Variants in PCGF6 observed in about 807,000 individuals in gnomAD.
PCGF6 encodes the protein polycomb group RING finger protein 6.
Under a neutral mutation model 45.5 loss-of-function variants are expected in PCGF6, and 24 were observed. The observed-to-expected ratio is 0.53, with a 90% confidence interval of 0.38 to 0.74. The LOEUF (loss-of-function observed/expected upper bound fraction) is 0.74. Among genes scored for constraint, PCGF6 ranks in the 30% least tolerant of loss-of-function variants. The pLI is 0.00. For missense variants in PCGF6, 356 were observed against 443.2 expected, an observed-to-expected ratio of 0.80 and a Z score of 1.77; for synonymous variants, 152 against 162.1, an observed-to-expected ratio of 0.94 and a Z score of 0.47.
At chr10:103,336,779 G>C (rs1015083208) in intron 6 of PCGF6, among the ~76,000 whole-genome samples, 3 of 152,144 alleles carry the variant, frequency 2.0e-5, no homozygotes, top group Non-Finnish European at 4.4e-5. Flanking sequence ...AGAGGCTGAG[G>C]CAGGAGAATC....
intron 8 of PCGF6, among the ~76,000 whole-genome samples, chr10:103,315,998 A>G (rs201172053): frequency 0.024 from 2,352 of 97,892 alleles, 28 homozygotes; most frequent in Middle Eastern, 0.041. Flanking sequence ...GTGTGTGTAT[A>G]TATATATATA....
intron 1 of PCGF6, 95 bp downstream of exon 1, chr10:103,350,612 G>GCGC: frequency 8.0e-7 from 1 of 1,249,868 alleles, no homozygotes; most frequent in Non-Finnish European, 1.0e-6. Context: ...CGCGGCGGCG[G>GCGC]CGCACTAGGA....
chr10:103,348,651 T>C, intron 3 of PCGF6, 65 bp downstream of exon 3: 7 of 1,220,440 alleles, frequency 5.7e-6, no homozygotes, highest in Non-Finnish European at 8.0e-6. Flanking sequence ...ATTCCAACTA[T>C]ATAACTTCAA....
chr10:103,340,465 AAAG>A, intron 6 of PCGF6, among the ~76,000 whole-genome samples: 1 of 152,068 alleles, frequency 6.6e-6, no homozygotes, highest in Non-Finnish European at 1.5e-5. Context: ...ACAAGTAAAG[AAAG>A]AAGAAATGGT....
Position 103,336,520 on chromosome 10 carries a change from T to A in PCGF6, c.783-2568A>T, listed in dbSNP as rs185070813. On this transcript the variant is annotated intron_variant, in intron 6 of 9. Transcript: ENST00000369847. ...ACATGGGCATCAGCTTCTACCTGAATATCTAAAGACAGCTTAACTGACAAG... is the reference window on the plus strand; with the variant it reads ...ACATGGGCATCAGCTTCTACCTGAAAATCTAAAGACAGCTTAACTGACAAG... Among the ~76,000 whole-genome samples the A allele has an allele frequency of 3.9e-5, 6 of 152,316 alleles. No individual in the cohort carries two copies. The East Asian group carries it at 1.2e-3, about 29-fold the overall frequency.
intron 9 of PCGF6, among the ~76,000 whole-genome samples, chr10:103,306,973 A>T (rs2093140272): frequency 6.6e-6 from 1 of 151,730 alleles, no homozygotes; most frequent in African/African-American, 2.4e-5. Flanking sequence ...GTGTGGTGGC[A>T]CATGTCTATA....
chr10:103,304,440 A>G (rs1204613906), intron 9 of PCGF6, among the ~76,000 whole-genome samples: 2 of 152,144 alleles, frequency 1.3e-5, no homozygotes, highest in Admixed American at 6.6e-5. Context: ...TCCCAGGTTC[A>G]AGCAATTCTC....
chr10:103,315,838 T>C (rs568287664), intron 8 of PCGF6, among the ~76,000 whole-genome samples: 2 of 152,200 alleles, frequency 1.3e-5, no homozygotes, highest in South Asian at 4.1e-4. Context: ...AGAGAGAATA[T>C]TGTTGTATAT....
chr10:103,350,730 G>T lies in PCGF6; in HGVS notation c.337C>A (p.Gln113Lys). Residue 113 changes from glutamine to lysine, a missense_variant, in exon 1 of 10, where the codon CAG (glutamine) becomes AAG (lysine). By Grantham distance (53) the Gln-to-Lys change is moderately conservative (BLOSUM62 1). This residue lies in a region of PCGF6 where 307 missense variants were observed against 350.1 expected (regional missense o/e 0.88). Transcript: ENST00000369847. The part of the protein sequence containing the change: ...HFSLRLEGGR[Q>K]DSEDEEERLI... ...ACCTCCTCCTCGTCCTCCGAGTCCT[G>T]CCGGCCTCCCTCCAGCCTCAACGAG... 1 of 1,541,072 alleles carries T rather than the reference G, an allele frequency of 6.5e-7. No homozygotes were observed. Among genetic ancestry groups the T allele is most frequent in the East Asian group, 2.5e-5 (1 of 40,154 alleles).
chr10:103,328,821 G>C (rs1042804007), intron 7 of PCGF6, among the ~76,000 whole-genome samples: 2 of 151,810 alleles, frequency 1.3e-5, no homozygotes, highest in African/African-American at 4.8e-5. Context: ...GAGCGATCGT[G>C]GCTCACTGCA....
intron 7 of PCGF6, among the ~76,000 whole-genome samples, chr10:103,331,445 A>G (rs1186224422): frequency 6.6e-6 from 1 of 151,900 alleles, no homozygotes; most frequent in Non-Finnish European, 1.5e-5. Flanking sequence ...TTTAATAGAG[A>G]TAGAGTTTTG....
intron 7 of PCGF6, among the ~76,000 whole-genome samples, chr10:103,327,199 C>T (rs1253300356): frequency 6.6e-6 from 1 of 152,046 alleles, no homozygotes; most frequent in African/African-American, 2.4e-5. Context: ...GCAGGAGAAT[C>T]GCTTGAACCT....
At chr10:103,305,387 C>T (rs2093134627) in intron 9 of PCGF6, among the ~76,000 whole-genome samples, 1 of 152,074 alleles carries the variant, frequency 6.6e-6, no homozygotes, top group African/African-American at 2.4e-5. Flanking sequence ...TCTCCTGCCT[C>T]AGCCTCTTGA....
At chr10:103,306,922 AGTGAGACCCC>A (rs1436884216) in intron 9 of PCGF6, among the ~76,000 whole-genome samples, 1 of 151,958 alleles carries the variant, frequency 6.6e-6, no homozygotes, top group Non-Finnish European at 1.5e-5. Context: ...TGGGCAACAT[AGTGAGACCCC>A]GTCTCTACAA....
At chr10:103,335,503 C>T (rs1027997052) in intron 6 of PCGF6, among the ~76,000 whole-genome samples, 1 of 152,000 alleles carries the variant, frequency 6.6e-6, no homozygotes, top group Non-Finnish European at 1.5e-5. Context: ...GGTGGGACTA[C>T]AGGCACCCAC....
chr10:103,336,711 A>G (rs1403680696), intron 6 of PCGF6, among the ~76,000 whole-genome samples: 2 of 152,104 alleles, frequency 1.3e-5, no homozygotes, highest in African/African-American at 4.8e-5. Flanking sequence ...TATGTCTCCA[A>G]TAAAAATACA....
intron 8 of PCGF6, among the ~76,000 whole-genome samples, chr10:103,314,499 TGATA>T (rs1013811696): frequency 1.3e-5 from 2 of 152,222 alleles, no homozygotes; most frequent in Non-Finnish European, 2.9e-5. Flanking sequence ...ACAGTATAAT[TGATA>T]TTCAAAATGA....
rs201471553 is a variant in PCGF6, at chr10:103,350,675, G to A, written c.360+32C>T. On this transcript the variant is annotated intron_variant, in intron 1 of 9. Coordinates refer to ENST00000369847, the MANE Select transcript of PCGF6 (RefSeq NM_001011663.2). ...CAGCTACGTCCCTGACGCCGCTTGG[G>A]CCCAGCGGGGTCGCGCGGGGGCTCT... is the stretch of plus-strand genomic sequence containing the variant. The A allele has an allele frequency of 6.2e-5, 90 of 1,440,108 alleles. No homozygotes were observed. The African/African-American group carries it at 1.2e-3, about 19-fold the overall frequency. 89.2% of individuals were successfully genotyped at this position (1,440,108 alleles called of 1,614,324 possible). A position where few individuals can be genotyped will look rare whatever the true frequency, so the allele number is the denominator to read the frequency against.
At chr10:103,343,213 C>T (rs901587329) in intron 6 of PCGF6, among the ~76,000 whole-genome samples, 2 of 151,932 alleles carry the variant, frequency 1.3e-5, no homozygotes, top group Non-Finnish European at 2.9e-5. Flanking sequence ...TAGGCGTGAG[C>T]CACCGCGCCC....
Sources: gnomAD v4.1 joint callset for allele counts (sites outside exome capture counted in the v4.1 genomes callset) on GRCh38, gnomAD v4.1.1 for gene constraint, gnomAD v4.1.1 regional missense constraint, MANE v1.5 for transcripts, NCBI Gene and HGNC (gene_info 2026-07-23, HGNC 2026-07-21) for gene names.